Variants in SYNE2 observed in about 807,000 individuals in gnomAD.
SYNE2 encodes nesprin-2.
In SYNE2, 431 loss-of-function variants were observed where a neutral mutation model predicts 856.3. The ratio of observed to expected loss-of-function variants is 0.50; its 90% CI spans 0.47 to 0.55. The LOEUF (loss-of-function observed/expected upper bound fraction) is 0.55, where lower values mean the gene tolerates loss of function less well. Among genes scored for constraint, SYNE2 ranks in the 20% least tolerant of loss-of-function variants. The pLI is 0.00. For missense variants in SYNE2, 8,129 were observed against 8,023.2 expected, an observed-to-expected ratio of 1.01 and a Z score of -0.50; for synonymous variants, 2,923 against 2,872.3, an observed-to-expected ratio of 1.02 and a Z score of -0.56.
At chr14:64,048,242 T>A in intron 46 of SYNE2, 87 bp downstream of exon 46, 2 of 1,357,858 alleles carry the variant, frequency 1.5e-6, no homozygotes, top group South Asian at 1.3e-5. Context: ...AACTTGCTTG[T>A]ACAGAGTGAA....
intron 12 of SYNE2, among the ~76,000 whole-genome samples, chr14:63,977,281 T>C (rs1017815880): frequency 1.1e-4 from 17 of 152,226 alleles, no homozygotes; most frequent in Non-Finnish European, 1.5e-4. Flanking sequence ...GGCGCGATCT[T>C]GGCTCACTGC....
At chr14:63,911,555 G>A (rs896216403) in intron 2 of SYNE2, among the ~76,000 whole-genome samples, 1 of 152,172 alleles carries the variant, frequency 6.6e-6, no homozygotes, top group African/African-American at 2.4e-5. Context: ...TTGAGAAAGA[G>A]GCTGCAGCTC....
chr14:64,045,746 C>A (rs1160647501), intron 45 of SYNE2, among the ~76,000 whole-genome samples: 1 of 152,196 alleles, frequency 6.6e-6, no homozygotes, highest in African/African-American at 2.4e-5. Context: ...CAATTAAGTA[C>A]TTCAAAACCA....
chr14:63,959,418 C>T (rs567996534), intron 8 of SYNE2, among the ~76,000 whole-genome samples: 2 of 151,558 alleles, frequency 1.3e-5, no homozygotes, highest in South Asian at 2.1e-4. Flanking sequence ...CTGCCTCAGC[C>T]TCCTGAGTAG....
chr14:64,212,827 T>C lies in SYNE2; in HGVS notation c.18878T>C (p.Ile6293Thr). ...MRQLNGFQQE[I>T]TLNTNKIDQL... is the part of the protein sequence containing the mutation. ...TCTCAACAGGGCTTCCAACAGGAAA[T>C]TACATTAAATACCAACAAGATTGAT... Residue 6293 changes from isoleucine to threonine, a missense_variant, in exon 105 of 116, where the codon ATT becomes ACT. By Grantham distance (89) the Ile-to-Thr change is moderately conservative. Around this residue, in one of 3 missense-constraint regions of SYNE2, gnomAD observed 5,410 missense variants for 5,284.8 expected, o/e 1.02. Coordinates refer to ENST00000555002, the MANE Select transcript of SYNE2 (RefSeq NM_182914.3). 7.4e-6 allele frequency: 12 copies of C among 1,614,204 alleles called. No homozygotes were observed. The highest frequency in any genetic ancestry group is 1.0e-5 in the Non-Finnish European group (12 of 1,180,032).
chr14:63,886,569 T>C (rs1415719113), intron 1 of SYNE2, among the ~76,000 whole-genome samples: 1 of 152,254 alleles, frequency 6.6e-6, no homozygotes, highest in African/African-American at 2.4e-5. Context: ...ATATCAATTT[T>C]ATATTTTGTA....
intron 2 of SYNE2, among the ~76,000 whole-genome samples, chr14:63,938,116 C>A (rs2095855408): frequency 6.6e-6 from 1 of 152,088 alleles, no homozygotes; most frequent in African/African-American, 2.4e-5. Flanking sequence ...ATTCGAGAAA[C>A]TGAGGGGCCA....
intron 1 of SYNE2, among the ~76,000 whole-genome samples, chr14:63,838,189 G>A (rs977898036): frequency 3.3e-5 from 5 of 152,050 alleles, no homozygotes; most frequent in African/African-American, 1.2e-4. Flanking sequence ...GGTGAACATG[G>A]GGAAACCTGT....
Position 63,997,029 on chromosome 14 carries a change from C to A in SYNE2, c.3023C>A (p.Ser1008Ter). Residue 1008 changes from serine to a stop codon, truncating the protein, a stop_gained, in exon 24 of 116, where the codon TCA (serine) becomes TAA (stop). Transcript: ENST00000555002. LOFTEE classifies it high-confidence loss of function. ...VLRELCEELP[S>*]QKSQQEVKRL... is the part of the protein sequence containing the mutation. ...AGGGAGCTGTGTGAAGAGCTGCCTT[C>A]ACAGAAGAGTCAACAAGAAGTGAAG... 1 of 1,614,036 alleles carries A rather than the reference C, an allele frequency of 6.2e-7. No homozygotes were observed. The highest frequency in any genetic ancestry group is 8.5e-7 in the Non-Finnish European group (1 of 1,179,974).
At chr14:63,973,726 A>G (rs1042372515) in intron 11 of SYNE2, among the ~76,000 whole-genome samples, 11 of 152,006 alleles carry the variant, frequency 7.2e-5, no homozygotes, top group Non-Finnish European at 1.5e-4. Context: ...GCAAAACAAA[A>G]TGGAAAAACT....
chr14:64,157,050 A>G (rs545541288), intron 85 of SYNE2, among the ~76,000 whole-genome samples: 4 of 152,336 alleles, frequency 2.6e-5, no homozygotes, highest in Admixed American at 1.3e-4. Context: ...TGGAGCCACT[A>G]TAGTGATCAC....
chr14:64,180,471 A>G (rs1307682441), intron 96 of SYNE2, among the ~76,000 whole-genome samples: 1 of 150,980 alleles, frequency 6.6e-6, no homozygotes, highest in African/African-American at 2.4e-5. Context: ...CCCTTTGGTC[A>G]TATTATTTAG....
chr14:63,886,480 A>G (rs2094988704), intron 1 of SYNE2, among the ~76,000 whole-genome samples: 1 of 152,196 alleles, frequency 6.6e-6, no homozygotes, highest in Non-Finnish European at 1.5e-5. Context: ...GGTAGGTAAA[A>G]CAATGTAATT....
intron 1 of SYNE2, among the ~76,000 whole-genome samples, chr14:63,842,447 C>T (rs1425630558): frequency 3.5e-5 from 5 of 140,848 alleles, no homozygotes; most frequent in African/African-American, 1.3e-4. Flanking sequence ...CCCTTTTGCC[C>T]ATTTTTCTTT....
intron 6 of SYNE2, among the ~76,000 whole-genome samples, chr14:63,944,133 A>G (rs931213728): frequency 6.6e-6 from 1 of 151,274 alleles, no homozygotes; most frequent in Non-Finnish European, 1.5e-5. Context: ...CACTCACTAT[A>G]ACTGCTATAA....
At chr14:63,899,818 C>T (rs141008813) in intron 1 of SYNE2, among the ~76,000 whole-genome samples, 52 of 152,210 alleles carry the variant, frequency 3.4e-4, no homozygotes, top group African/African-American at 1.2e-3. Flanking sequence ...ACTCTTTGTT[C>T]TAGTATGGTG....
chr14:63,798,250 A>C (rs529585317), intron 1 of SYNE2, among the ~76,000 whole-genome samples: 2 of 152,106 alleles, frequency 1.3e-5, no homozygotes, highest in South Asian at 2.1e-4. Context: ...AGGTCTCACT[A>C]TGTTGCCCAG....
At position 64,049,508 on chromosome 14, in the gene SYNE2, C is replaced by T. The variant is rs1198848021; in HGVS notation, c.7378-103C>T. Reference sequence around the variant, plus strand: ...ACCCTGTGTGCAAATGAGTTACCCTCTTCCTGAGATAGAGTGTGTTATCTC... The same window carrying T: ...ACCCTGTGTGCAAATGAGTTACCCTTTTCCTGAGATAGAGTGTGTTATCTC... On this transcript the variant is annotated intron_variant, in intron 46 of 115. Coordinates refer to ENST00000555002, the MANE Select transcript of SYNE2 (RefSeq NM_182914.3). 3 of 1,204,980 alleles carry T rather than the reference C, an allele frequency of 2.5e-6. No individual in the cohort carries two copies. The African/African-American group carries it at 4.6e-5, about 18-fold the overall frequency. 74.6% of individuals were successfully genotyped at this position (1,204,980 alleles called of 1,614,324 possible).
intron 54 of SYNE2, among the ~76,000 whole-genome samples, chr14:64,076,740 ATTTTTTT>A (rs35509549): frequency 8.2e-6 from 1 of 122,216 alleles, no homozygotes; most frequent in Non-Finnish European, 1.8e-5. Context: ...CCACAGAAGG[ATTTTTTT>A]TTTTTTTTTT....
Sources: allele counts gnomAD v4.1 joint callset (sites outside exome capture counted in the v4.1 genomes callset), GRCh38; gene constraint gnomAD v4.1.1; regional missense constraint gnomAD v4.1.1; transcripts MANE v1.5; gene names NCBI Gene and HGNC (gene_info 2026-07-23, HGNC 2026-07-21).